RBFOX3: variants seen among roughly 807,000 people sequenced by gnomAD.
RBFOX3 encodes the protein RNA binding protein fox-1 homolog 3.
Under a neutral mutation model 48.7 loss-of-function variants are expected in RBFOX3, and 17 were observed. The observed-to-expected ratio is 0.35, with a 90% CI of 0.24 to 0.52. The LOEUF (loss-of-function observed/expected upper bound fraction) is 0.52. Among genes scored for constraint, RBFOX3 ranks in the 20% least tolerant of loss-of-function variants. The pLI, the probability that RBFOX3 is intolerant of heterozygous loss-of-function variation, is 0.94. For synonymous variants in RBFOX3, 212 were observed against 209.5 expected (o/e 1.01, Z -0.10); for missense variants, 382 against 497.5 (o/e 0.77, Z 2.21).
At chr17:79,293,411 C>G (rs1010467281) in intron 3 of RBFOX3, among the ~76,000 whole-genome samples, 18 of 3,342 alleles carry the variant, frequency 5.4e-3, no homozygotes, top group South Asian at 0.019. Context: ...CCCCTCCACC[C>G]CTTCCTTCCT....
chr17:79,167,149 G>C (rs1172216014), intron 4 of RBFOX3, among the ~76,000 whole-genome samples: 1 of 152,194 alleles, frequency 6.6e-6, no homozygotes, highest in South Asian at 2.1e-4. Context: ...TGGGAAGATC[G>C]ATCATATCCT....
chr17:79,449,727 T>A (rs1456171374), intron 2 of RBFOX3, among the ~76,000 whole-genome samples: 1 of 151,600 alleles, frequency 6.6e-6, no homozygotes, highest in Non-Finnish European at 1.5e-5. Context: ...GGATGGCAGG[T>A]GACCCCAGCT....
intron 2 of RBFOX3, among the ~76,000 whole-genome samples, chr17:79,352,942 C>A (rs1374592654): frequency 6.6e-6 from 1 of 152,228 alleles, no homozygotes; most frequent in Non-Finnish European, 1.5e-5. Context: ...GCCAGAGCCT[C>A]CCTTTTGGGC....
the RBFOX3 span, among the ~76,000 whole-genome samples, chr17:79,661,822 C>A: frequency 6.6e-6 from 1 of 152,330 alleles, no homozygotes; most frequent in South Asian, 2.1e-4. Context: ...TCTGGTTCTA[C>A]CTGATGACTA....
the RBFOX3 span, among the ~76,000 whole-genome samples, chr17:79,627,687 G>GGT: frequency 6.6e-6 from 1 of 152,156 alleles, no homozygotes; most frequent in East Asian, 1.9e-4. Flanking sequence ...AGGTGGCTGG[G>GGT]GTGGTAGGGA....
chr17:79,144,635 C>G (rs2042645477), intron 4 of RBFOX3, among the ~76,000 whole-genome samples: 1 of 152,186 alleles, frequency 6.6e-6, no homozygotes, highest in Non-Finnish European at 1.5e-5. Context: ...GAAGAAGCAC[C>G]CCTCTCCCGG....
chr17:79,197,264 C>T (rs1049124871), intron 4 of RBFOX3, among the ~76,000 whole-genome samples: 11 of 114,076 alleles, frequency 9.6e-5, no homozygotes, highest in Admixed American at 1.8e-4. Flanking sequence ...CTGTGTCTCC[C>T]GCTACATCTT....
intron 2 of RBFOX3, among the ~76,000 whole-genome samples, chr17:79,383,252 C>G (rs1324560836): frequency 4.6e-5 from 7 of 152,214 alleles, no homozygotes; most frequent in Non-Finnish European, 1.0e-4. Flanking sequence ...CCTCCTTCAC[C>G]CAGGTTGTCC....
intron 1 of RBFOX3, among the ~76,000 whole-genome samples, chr17:79,503,001 C>T (rs1728115420): frequency 6.6e-6 from 1 of 152,240 alleles, no homozygotes; most frequent in African/African-American, 2.4e-5. Flanking sequence ...CACAGTTCTG[C>T]AGGCTGGGAG....
intron 8 of RBFOX3, 38 bp from the exon 9 acceptor site, chr17:79,101,682 A>G: frequency 6.5e-7 from 1 of 1,533,948 alleles, no homozygotes; most frequent in Non-Finnish European, 8.8e-7. Flanking sequence ...AAGAGGGAGG[A>G]TTAGCCTCCT....
At chr17:79,552,720 T>A in intron 1 of RBFOX3, among the ~76,000 whole-genome samples, 1 of 152,362 alleles carries the variant, frequency 6.6e-6, no homozygotes. Flanking sequence ...TCAGGATTCT[T>A]AAGTTTTTTG....
intron 1 of RBFOX3, among the ~76,000 whole-genome samples, chr17:79,579,940 G>C (rs2144772439): frequency 6.7e-6 from 1 of 149,916 alleles, no homozygotes; most frequent in East Asian, 2.0e-4. Context: ...GCACTGTGGT[G>C]GGGGAGTCAC....
At chr17:79,417,570 A>G (rs2065581491) in intron 2 of RBFOX3, among the ~76,000 whole-genome samples, 2 of 152,236 alleles carry the variant, frequency 1.3e-5, no homozygotes, top group South Asian at 4.1e-4. Flanking sequence ...ACAGAAAATA[A>G]CAAGGCATTG....
intron 1 of RBFOX3, chr17:79,600,368 T>C (rs2093678095): frequency 1.3e-5 from 2 of 151,844 alleles, no homozygotes; most frequent in South Asian, 4.2e-4. Flanking sequence ...GCATGTACAA[T>C]CTACACGTGT....
rs539088814 is a variant in RBFOX3 at position 79,423,510 on chromosome 17, C to T, written c.-175+58944G>A. On this transcript the variant is annotated intron_variant, in intron 2 of 14. Transcript: ENST00000693108. The surrounding 1 kb of genome is among the most constrained non-coding windows in gnomAD (Gnocchi z 4.9). ...CTTTAAAATAGAAGTCACATCCTGCCAGCGCTGCCGGTACCCAGCACCTGG... is the reference window on the plus strand; with the variant it reads ...CTTTAAAATAGAAGTCACATCCTGCTAGCGCTGCCGGTACCCAGCACCTGG... Among the ~76,000 whole-genome samples the T allele has an allele frequency of 6.6e-6, 1 of 152,208 alleles. No individual in the cohort carries two copies. Among genetic ancestry groups the T allele is most frequent in the Admixed American group, 6.5e-5 (1 of 15,298 alleles).
chr17:79,112,560 G>A (rs547135419), intron 5 of RBFOX3, among the ~76,000 whole-genome samples: 1 of 152,260 alleles, frequency 6.6e-6, no homozygotes, highest in South Asian at 2.1e-4. Flanking sequence ...GGGCTGCAGG[G>A]GCCACTGCTC....
chr17:79,363,415 G>A lies in RBFOX3; in HGVS notation c.-174-55591C>T, dbSNP rs557788405. 6.6e-6 allele frequency among the ~76,000 whole-genome samples: 1 copy of A among 152,192 alleles called. No homozygotes were observed. Among genetic ancestry groups the A allele is most frequent in the East Asian group, 1.9e-4 (1 of 5,164 alleles). On this transcript the variant is annotated intron_variant, in intron 2 of 14. Coordinates refer to ENST00000693108, the MANE Select transcript of RBFOX3 (RefSeq NM_001350451.2). This position sits in a 1 kb window ranked among gnomAD's most constrained non-coding sequence, Gnocchi z 4.7. ...CCCTCTGGAAATAGGGGGCTAAGGT[G>A]TTCCCAGGCCTGGTCACCTCCACCC... is the stretch of plus-strand genomic sequence containing the variant.
intron 1 of RBFOX3, among the ~76,000 whole-genome samples, chr17:79,493,069 C>T (rs1189809010): frequency 2.0e-5 from 3 of 152,086 alleles, no homozygotes; most frequent in African/African-American, 4.8e-5. Flanking sequence ...CAGGAAGCAC[C>T]GTGTTGGCAT....
chr17:79,206,956 C>T (rs1308833476), intron 4 of RBFOX3, among the ~76,000 whole-genome samples: 1 of 152,220 alleles, frequency 6.6e-6, no homozygotes, highest in Non-Finnish European at 1.5e-5. Context: ...TCCTTTGGCT[C>T]ATTTCCCAAA....
Sources: gnomAD v4.1 joint callset for allele counts (sites outside exome capture counted in the v4.1 genomes callset) on GRCh38, gnomAD v4.1.1 for gene constraint, Gnocchi (gnomAD v3.1) non-coding constraint, MANE v1.5 for transcripts, NCBI Gene and HGNC (gene_info 2026-07-23, HGNC 2026-07-21) for gene names.